Variants in MAP3K3 observed in about 807,000 individuals in gnomAD.
The protein encoded by MAP3K3 is mitogen-activated protein kinase kinase kinase 3, also known as MAP/ERK kinase kinase 3.
In MAP3K3, 12 loss-of-function variants were observed where a neutral mutation model predicts 80.9. The ratio of observed to expected loss-of-function variants is 0.15; its 90% confidence interval spans 0.10 to 0.24. MAP3K3 has a LOEUF of 0.24. Among genes scored for constraint, MAP3K3 ranks in the 10% least tolerant of loss-of-function variants. The pLI is 1.00. For synonymous variants in MAP3K3, 272 were observed against 307.1 expected, an observed-to-expected ratio of 0.89 and a Z score of 1.19; for missense variants, 596 against 834.7, an observed-to-expected ratio of 0.71 and a Z score of 3.52.
Position 63,692,864 on chromosome 17 carries a change from C to G in MAP3K3, c.1652+445C>G, listed in dbSNP as rs745751168. 8.5e-5 allele frequency among the ~76,000 whole-genome samples: 13 copies of G among 152,166 alleles called. No homozygotes were observed. The highest frequency in any genetic ancestry group is 1.4e-4 in the African/African-American group (6 of 41,434). On this transcript the variant is annotated intron_variant, in intron 15 of 15. Transcript: ENST00000361733. This position sits in a 1 kb window ranked among gnomAD's most constrained non-coding sequence, Gnocchi z 4.5. ...TGTGGTGGGCTGAATAATGGCCCCC[C>G]CAAAGATGTCCACTGCCTAATCCCT... is the stretch of plus-strand genomic sequence containing the variant.
intron 6 of MAP3K3, among the ~76,000 whole-genome samples, chr17:63,675,266 A>T (rs1378662661): frequency 3.8e-5 from 3 of 79,500 alleles, no homozygotes; most frequent in Non-Finnish European, 8.5e-5. Context: ...ATTGAGAAAG[A>T]AAAAAAGTTT....
intron 1 of MAP3K3, among the ~76,000 whole-genome samples, chr17:63,629,849 T>C (rs761201602): frequency 6.6e-6 from 1 of 152,204 alleles, no homozygotes; most frequent in Non-Finnish European, 1.5e-5. Flanking sequence ...CAGGAATTGG[T>C]TAGCTTCCTG....
At position 63,632,782 on chromosome 17, in the gene MAP3K3, A is replaced by G. The variant is rs1277835026; in HGVS notation, c.106A>G (p.Thr36Ala). 6.2e-7 allele frequency: 1 copy of G among 1,614,040 alleles called. No individual in the cohort carries two copies. The highest frequency in any genetic ancestry group is 8.5e-7 in the Non-Finnish European group (1 of 1,180,018). ...ATATGAGACCATGAAGAACAAAGAC[A>G]CAGGTCACTCAAATAGGCAGGTGTG... Reference protein sequence around the residue: ...PGYETMKNKDTGHSNRQSDVR... With the variant: ...PGYETMKNKDAGHSNRQSDVR... Residue 36 changes from threonine (T) to alanine (A), a missense_variant, in exon 2 of 16, where the codon ACA becomes GCA. This residue lies in a region of MAP3K3 where 232 missense variants were observed against 245.8 expected (regional missense o/e 0.94). Transcript: ENST00000361733.
chr17:63,623,842 G>A (rs1339596573), intron 1 of MAP3K3, among the ~76,000 whole-genome samples: 1 of 152,256 alleles, frequency 6.6e-6, no homozygotes, highest in African/African-American at 2.4e-5. Flanking sequence ...CGTTGCTTCT[G>A]TGAAGTGCCC....
chr17:63,627,703 A>G (rs1415026999), intron 1 of MAP3K3, among the ~76,000 whole-genome samples: 1 of 151,906 alleles, frequency 6.6e-6, no homozygotes, highest in African/African-American at 2.4e-5. Context: ...CGGCCTCCCA[A>G]AGTGCTAGGA....
chr17:63,656,631 A>T (rs2143383122), intron 4 of MAP3K3, among the ~76,000 whole-genome samples: 1 of 152,120 alleles, frequency 6.6e-6, no homozygotes, highest in East Asian at 1.9e-4. Context: ...TAAGAATAAG[A>T]TCTGACATTT....
intron 1 of MAP3K3, among the ~76,000 whole-genome samples, chr17:63,624,586 A>G (rs1051270000): frequency 1.3e-5 from 2 of 152,232 alleles, no homozygotes; most frequent in African/African-American, 4.8e-5. Context: ...TAGAGCCCCA[A>G]AGAAAAAAGG....
At chr17:63,673,107 A>G (rs1196590618) in intron 6 of MAP3K3, among the ~76,000 whole-genome samples, 1 of 152,208 alleles carries the variant, frequency 6.6e-6, no homozygotes, top group Non-Finnish European at 1.5e-5. Context: ...GAACATTTGC[A>G]TTGATGGGGA....
At chr17:63,646,193 G>A (rs982736494) in intron 3 of MAP3K3, 119 bp downstream of exon 3, 1 of 841,488 alleles carries the variant, frequency 1.2e-6, no homozygotes, top group Non-Finnish European at 2.0e-6. Context: ...CTGGGTAATA[G>A]GGTGGATTGG....
At position 63,694,149 on chromosome 17, in the gene MAP3K3, G is replaced by A. The variant is rs2035647102; in HGVS notation, c.*372G>A. 1 of 193,742 alleles carries A rather than the reference G, an allele frequency of 5.2e-6. No individual in the cohort carries two copies. Among genetic ancestry groups the A allele is most frequent in the African/African-American group, 2.3e-5 (1 of 42,894 alleles). The allele number at this position is 193,742 out of a possible 1,614,324, so 12.0% of individuals were successfully genotyped here. A position where few individuals can be genotyped will look rare whatever the true frequency, so the allele number is the denominator to read the frequency against. On this transcript the variant is annotated 3_prime_UTR_variant, in exon 16 of 16. Coordinates refer to ENST00000361733, the MANE Select transcript of MAP3K3 (RefSeq NM_002401.5). ...CACAAGACTGACGCCAGGGTATGAA[G>A]AGTGTTATTTTCATTCAAAGTGTTA...
chr17:63,626,048 A>G (rs890911906), intron 1 of MAP3K3, among the ~76,000 whole-genome samples: 4 of 152,224 alleles, frequency 2.6e-5, no homozygotes, highest in African/African-American at 9.6e-5. Flanking sequence ...ACTCCAGCCC[A>G]GGCAACAAGA....
rs773871394 is a variant in MAP3K3, at chr17:63,688,575, C to T, written c.759C>T (p.Asp253=). ...SRMSRAQSFP[D]NRQEYSDRET... is the part of the protein sequence containing the mutation. ...TGTCCCGTGCCCAGAGCTTCCCTGA[C>T]AACAGACAGGAATACTCAGGTGAGT... Residue 253 remains aspartate (D), a synonymous_variant, in exon 9 of 16, where the codon GAC becomes GAT. Coordinates refer to ENST00000361733, the MANE Select transcript of MAP3K3 (RefSeq NM_002401.5). The T allele has an allele frequency of 6.8e-6, 11 of 1,614,012 alleles. No individual in the cohort carries two copies. In the Admixed American group the frequency reaches 1.5e-4, roughly 22 times the overall value.
At chr17:63,622,953 C>CGCGGG (rs938414429) in intron 1 of MAP3K3, among the ~76,000 whole-genome samples, 190 bp downstream of exon 1, 3 of 146,812 alleles carry the variant, frequency 2.0e-5, no homozygotes, top group Non-Finnish European at 4.5e-5. Flanking sequence ...GTTCTGGCTC[C>CGCGGG]GCGGGGCGGC....
chr17:63,644,251 G>A (rs1189977794), intron 2 of MAP3K3, among the ~76,000 whole-genome samples: 1 of 152,150 alleles, frequency 6.6e-6, no homozygotes, highest in African/African-American at 2.4e-5. Context: ...GTCTCACTCT[G>A]TCACCCAGAC....
intron 8 of MAP3K3, among the ~76,000 whole-genome samples, chr17:63,687,761 G>A (rs953539998): frequency 1.3e-5 from 2 of 149,696 alleles, no homozygotes; most frequent in East Asian, 2.0e-4. Flanking sequence ...AGGCCGAGGC[G>A]GGTGGATCAC....
chr17:63,666,893 C>G (rs559388758), intron 5 of MAP3K3, 47 bp from the exon 6 acceptor site: 5 of 1,607,532 alleles, frequency 3.1e-6, no homozygotes, highest in East Asian at 2.2e-5. Context: ...CTTGATAGGC[C>G]TGACTGTGTA....
In MAP3K3 at chr17:63,692,148, C is replaced by T; in HGVS notation, c.1475-94C>T. The T allele has an allele frequency of 7.0e-7, 1 of 1,421,816 alleles. No homozygotes were observed. Among genetic ancestry groups the T allele is most frequent in the Admixed American group, 1.9e-5 (1 of 52,786 alleles). 88.1% of individuals were successfully genotyped at this position (1,421,816 alleles called of 1,614,324 possible). On this transcript the variant is annotated intron_variant, in intron 14 of 15. Transcript: ENST00000361733. The surrounding 1 kb of genome is among the most constrained non-coding windows in gnomAD (Gnocchi z 4.5). ...ATGTCTAATTCAGTGGTAGCCCTGC[C>T]CTCTCCAGCAGCTCTCAGTGACCCG...
At chr17:63,670,320 C>T (rs1269077757) in intron 6 of MAP3K3, among the ~76,000 whole-genome samples, 4 of 151,760 alleles carry the variant, frequency 2.6e-5, no homozygotes, top group African/African-American at 4.8e-5. Flanking sequence ...TGGTGGCTCA[C>T]GCCTGTAACC....
At chr17:63,637,235 A>G (rs1460913561) in intron 2 of MAP3K3, 5 of 213,874 alleles carry the variant, frequency 2.3e-5, no homozygotes, top group Admixed American at 2.3e-4. Context: ...GGAGTCATAG[A>G]GTTGTTACTC....
Sources: allele counts gnomAD v4.1 joint callset (sites outside exome capture counted in the v4.1 genomes callset), GRCh38; gene constraint gnomAD v4.1.1; regional missense constraint gnomAD v4.1.1; non-coding constraint Gnocchi (gnomAD v3.1); transcripts MANE v1.5; gene names NCBI Gene and HGNC (gene_info 2026-07-23, HGNC 2026-07-21).